DSCAM: variants seen among roughly 807,000 people sequenced by gnomAD.
The protein encoded by DSCAM is cell adhesion molecule DSCAM.
DSCAM carries 47 observed loss-of-function variants against 217.7 expected under a neutral mutation model. The ratio of observed to expected loss-of-function variants is 0.22; its 90% confidence interval spans 0.17 to 0.28. The LOEUF is 0.28. Ranked by LOEUF, DSCAM falls within the 10% of genes least tolerant of loss-of-function variation. The pLI, the probability that DSCAM is intolerant of heterozygous loss-of-function variation, is 1.00. For missense variants in DSCAM, 2,080 were observed against 2,618.3 expected, an observed-to-expected ratio of 0.79 and a Z score of 4.49; for synonymous variants, 1,056 against 1,015.3, an observed-to-expected ratio of 1.04 and a Z score of -0.76.
At chr21:40,806,403 C>T (rs1198838960) in intron 1 of DSCAM, among the ~76,000 whole-genome samples, 1 of 152,164 alleles carries the variant, frequency 6.6e-6, no homozygotes, top group Non-Finnish European at 1.5e-5. Context: ...TGTGAGTTTA[C>T]CTGACAGAGA....
chr21:40,441,421 A>G (rs774905817), intron 3 of DSCAM, among the ~76,000 whole-genome samples: 1 of 152,310 alleles, frequency 6.6e-6, no homozygotes, highest in Non-Finnish European at 1.5e-5. Context: ...TGACTTAGTT[A>G]TCCAAGATAT....
In DSCAM at chr21:40,366,356, T is replaced by C. The variant is rs976950328; in HGVS notation, c.655+2743A>G. 2.6e-5 allele frequency among the ~76,000 whole-genome samples: 4 copies of C among 152,154 alleles called. No homozygotes were observed. The South Asian group carries it at 8.3e-4, about 32-fold the overall frequency. ...TTGTCTTATTCCTTAATATTTTTGA[T>C]TTCCCATATTATGCTTTCTGTTGTG... On this transcript the variant is annotated intron_variant, in intron 4 of 32. Coordinates refer to ENST00000400454, the MANE Select transcript of DSCAM (RefSeq NM_001389.5).
chr21:40,558,095 A>T (rs144305135), intron 3 of DSCAM, among the ~76,000 whole-genome samples: 375 of 152,330 alleles, frequency 2.5e-3, no homozygotes, highest in Middle Eastern at 6.8e-3. Flanking sequence ...TCGGTAAATT[A>T]GTTTCCATGT....
At chr21:40,099,089 AC>A (rs2089718344) in intron 20 of DSCAM, among the ~76,000 whole-genome samples, 2 of 152,202 alleles carry the variant, frequency 1.3e-5, no homozygotes, top group African/African-American at 2.4e-5. Flanking sequence ...AATTACTCTT[AC>A]TGAACATTAA....
At chr21:40,682,314 G>A (rs1280464139) in intron 3 of DSCAM, among the ~76,000 whole-genome samples, 2 of 151,892 alleles carry the variant, frequency 1.3e-5, no homozygotes, top group East Asian at 3.9e-4. Flanking sequence ...AAAGTGGATG[G>A]GATTGGACTT....
intron 11 of DSCAM, among the ~76,000 whole-genome samples, chr21:40,221,232 T>A (rs1410131085): frequency 3.3e-5 from 5 of 152,048 alleles, no homozygotes; most frequent in Non-Finnish European, 1.5e-5. Flanking sequence ...AGAACTACAC[T>A]ACCTGTCCCA....
At chr21:40,210,511 C>T (rs548580194) in intron 11 of DSCAM, among the ~76,000 whole-genome samples, 1 of 152,262 alleles carries the variant, frequency 6.6e-6, no homozygotes, top group Admixed American at 6.5e-5. Context: ...TCCCAGTTAA[C>T]ATTATCCAGT....
At chr21:40,053,172 T>C (rs1489524918) in intron 29 of DSCAM, among the ~76,000 whole-genome samples, 2 of 152,152 alleles carry the variant, frequency 1.3e-5, no homozygotes, top group African/African-American at 4.8e-5. Context: ...ATCCAATTAC[T>C]CAGTCTCTGG....
intron 3 of DSCAM, among the ~76,000 whole-genome samples, chr21:40,663,763 G>C (rs2090169395): frequency 6.6e-6 from 1 of 152,186 alleles, no homozygotes; most frequent in Non-Finnish European, 1.5e-5. Context: ...CAGTAAGACT[G>C]ACAGCAAGAG....
chr21:40,081,165 G>A (rs938271396), intron 24 of DSCAM, among the ~76,000 whole-genome samples: 1 of 152,300 alleles, frequency 6.6e-6, no homozygotes, highest in Non-Finnish European at 1.5e-5. Context: ...CCCTGTGAAT[G>A]CTGAAATATT....
intron 3 of DSCAM, among the ~76,000 whole-genome samples, chr21:40,610,516 C>T (rs956303685): frequency 3.3e-5 from 5 of 152,274 alleles, no homozygotes; most frequent in East Asian, 1.9e-4. Context: ...TGTGCTTATA[C>T]GACTTTATGT....
chr21:40,710,965 A>C (rs1246808170), intron 1 of DSCAM, among the ~76,000 whole-genome samples: 1 of 150,814 alleles, frequency 6.6e-6, no homozygotes, highest in Non-Finnish European at 1.5e-5. Flanking sequence ...CCGCTAGGTA[A>C]ACAAAGGCTC....
chr21:40,731,037 T>C (rs2146525131), intron 1 of DSCAM, among the ~76,000 whole-genome samples: 2 of 152,312 alleles, frequency 1.3e-5, no homozygotes, highest in Middle Eastern at 6.8e-3. Flanking sequence ...GTTTCTCTCA[T>C]ACTTTTAAAG....
chr21:40,653,948 A>T (rs529907739), intron 3 of DSCAM, among the ~76,000 whole-genome samples: 7 of 152,078 alleles, frequency 4.6e-5, no homozygotes, highest in Non-Finnish European at 8.8e-5. Context: ...TATAAAAACT[A>T]GCCAGGCATT....
chr21:40,590,249 A>G (rs561634116), intron 3 of DSCAM, among the ~76,000 whole-genome samples: 1 of 152,236 alleles, frequency 6.6e-6, no homozygotes, highest in Non-Finnish European at 1.5e-5. Flanking sequence ...TTAACATGAT[A>G]TGGACAATGG....
In DSCAM at chr21:40,080,174, T is replaced by C. The variant is rs1446046316; in HGVS notation, c.4398A>G (p.Ile1466Met). 6.3e-7 allele frequency: 1 copy of C among 1,576,722 alleles called. No homozygotes were observed. The highest frequency in any genetic ancestry group is 8.6e-7 in the Non-Finnish European group (1 of 1,162,632). Residue 1466 changes from isoleucine to methionine, a missense_variant, in exon 25 of 33, where the codon ATA becomes ATG. Physicochemically the swap from Ile to Met is conservative, Grantham distance 10. Transcript: ENST00000400454. The part of the protein sequence containing the change: ...GVGPGRISEI[I>M]EAKTLGKEPQ... ...TACCTTTTCCTAAGGTCTTTGCTTC[T>C]ATGATTTCACTTATGCGCCCTGGGC...
chr21:40,106,561 G>A (rs1601335145), intron 20 of DSCAM, among the ~76,000 whole-genome samples: 1 of 152,088 alleles, frequency 6.6e-6, no homozygotes, highest in East Asian at 1.9e-4. Context: ...GCTCTTCTTT[G>A]TATATCTTGT....
intron 9 of DSCAM, among the ~76,000 whole-genome samples, chr21:40,298,346 G>A (rs2073978703): frequency 6.6e-6 from 1 of 152,046 alleles, no homozygotes; most frequent in African/African-American, 2.4e-5. Context: ...CTCCCAAAGT[G>A]CTGGGATTAC....
chr21:40,711,214 G>A (rs1315166693), intron 1 of DSCAM, among the ~76,000 whole-genome samples: 1 of 152,176 alleles, frequency 6.6e-6, no homozygotes, highest in Non-Finnish European at 1.5e-5. Context: ...TCTATGGCCT[G>A]TGCTTCCAGA....
Sources: allele counts gnomAD v4.1 joint callset (sites outside exome capture counted in the v4.1 genomes callset), GRCh38; gene constraint gnomAD v4.1.1; transcripts MANE v1.5; gene names NCBI Gene and HGNC (gene_info 2026-07-23, HGNC 2026-07-21).